Variants in SLC22A8 observed in about 807,000 individuals in gnomAD.
SLC22A8 encodes the protein solute carrier family 22 member 8.
A neutral mutation model predicts 48.4 loss-of-function variants in SLC22A8; 40 were observed. The ratio of observed to expected loss-of-function variants is 0.83; its 90% CI spans 0.64 to 1.08. SLC22A8 has a LOEUF of 1.08. SLC22A8 is among the 50% of genes least tolerant of loss of function. The pLI is 0.00. For synonymous variants in SLC22A8, 268 were observed against 286.3 expected (o/e 0.94, Z 0.65); for missense variants, 606 against 699.0 (o/e 0.87, Z 1.50).
rs4149185 is a variant in SLC22A8 at position 62,994,329 on chromosome 11, CTT to C, written c.1216+211_1216+212del. The C allele has an allele frequency of 6.2e-3, 3,665 of 590,788 alleles. 85 individuals carry two copies. The highest frequency in any genetic ancestry group is 0.049 in the African/African-American group (2,633 of 53,810). The allele number at this position is 590,788 out of a possible 1,614,324, so 36.6% of individuals were successfully genotyped here. ...TTCACACTATCCAGATACCACCATA[CTT>C]TTTGCCCAGTCCAAGTCAGATCTGG... On this transcript the variant is annotated intron_variant, in intron 8 of 10. Coordinates refer to ENST00000336232, the MANE Select transcript of SLC22A8 (RefSeq NM_004254.4).
At chr11:63,006,748 T>C (rs560667387) in intron 2 of SLC22A8, among the ~76,000 whole-genome samples, 104 of 151,080 alleles carry the variant, frequency 6.9e-4, no homozygotes, top group Non-Finnish European at 1.3e-3. Flanking sequence ...GCTGGGATTA[T>C]AGGCATGCGC....
intron 8 of SLC22A8, 79 bp from the exon 9 acceptor site, chr11:62,993,957 C>T (rs2086377227): frequency 5.6e-6 from 5 of 895,422 alleles, no homozygotes; most frequent in African/African-American, 1.6e-5. Flanking sequence ...GATCTTGTCT[C>T]CCTTTTTGCT....
intron 2 of SLC22A8, among the ~76,000 whole-genome samples, chr11:63,001,475 T>G (rs544277441): frequency 4.6e-5 from 7 of 152,346 alleles, no homozygotes; most frequent in African/African-American, 1.7e-4. Context: ...TCAAGGTCAC[T>G]GAAGTTTCAT....
At chr11:63,010,364 C>T (rs1357219858) in intron 2 of SLC22A8, among the ~76,000 whole-genome samples, 1 of 152,196 alleles carries the variant, frequency 6.6e-6, no homozygotes, top group Non-Finnish European at 1.5e-5. Flanking sequence ...TCACCAAATA[C>T]CCTGCCTTCC....
At chr11:63,000,989 T>A (rs2086487627) in intron 2 of SLC22A8, 166 bp from the exon 3 acceptor site, 1 of 606,204 alleles carries the variant, frequency 1.6e-6, no homozygotes, top group Non-Finnish European at 3.0e-6. Context: ...GCTCCTTGGG[T>A]TTGTCTGTGG....
intron 2 of SLC22A8, among the ~76,000 whole-genome samples, chr11:63,004,571 C>A (rs1381469209): frequency 6.6e-6 from 1 of 152,192 alleles, no homozygotes; most frequent in Non-Finnish European, 1.5e-5. Flanking sequence ...TGAGACCTCC[C>A]TATTTACAAT....
At chr11:63,014,379 G>T (rs915626302) in intron 2 of SLC22A8, among the ~76,000 whole-genome samples, 6 of 152,174 alleles carry the variant, frequency 3.9e-5, no homozygotes, top group Non-Finnish European at 8.8e-5. Context: ...CCAGAGCTTA[G>T]CTCTGTGCCC....
chr11:63,010,965 G>A (rs1336185190), intron 2 of SLC22A8, among the ~76,000 whole-genome samples: 1 of 152,108 alleles, frequency 6.6e-6, no homozygotes, highest in Non-Finnish European at 1.5e-5. Context: ...CTCTGAGGGG[G>A]CAAGTCCTTC....
intron 2 of SLC22A8, among the ~76,000 whole-genome samples, chr11:63,008,782 C>A (rs553606169): frequency 6.6e-6 from 1 of 152,168 alleles, no homozygotes; most frequent in Admixed American, 6.5e-5. Flanking sequence ...CCCAACACCC[C>A]CCGTCTTCTG....
At chr11:63,009,041 A>G (rs980150313) in intron 2 of SLC22A8, among the ~76,000 whole-genome samples, 1 of 152,146 alleles carries the variant, frequency 6.6e-6, no homozygotes, top group African/African-American at 2.4e-5. Flanking sequence ...GGCTGTCAAT[A>G]GGGATCAGGC....
chr11:63,010,394 C>A (rs748068727), intron 2 of SLC22A8, among the ~76,000 whole-genome samples: 1 of 152,172 alleles, frequency 6.6e-6, no homozygotes, highest in Non-Finnish European at 1.5e-5. Context: ...CCCTCTTCAC[C>A]TGGAGCCAAC....
chr11:62,995,240 G>C (rs2086401223), intron 7 of SLC22A8: 1 of 239,600 alleles, frequency 4.2e-6, no homozygotes, highest in South Asian at 7.2e-5. Context: ...GCAGAAACCA[G>C]GTCACAGAAA....
chr11:63,000,112 G>T (rs2086474516), intron 3 of SLC22A8, among the ~76,000 whole-genome samples: 1 of 152,232 alleles, frequency 6.6e-6, no homozygotes. Flanking sequence ...TCTCTAAGCA[G>T]TCCATCTCCT....
chr11:62,995,784 C>G lies in SLC22A8; in HGVS notation c.921G>C (p.Leu307Phe), dbSNP rs1416508851. ...LKLNLQKEIS[L>F]AKAKYTASDL... ...CACTTGCGGTGTACTTGGCCTTGGC[C>G]AAGGAGATCTCCTTCTGCAGGTTGA... Residue 307 changes from leucine (L) to phenylalanine (F), a missense_variant, in exon 7 of 11, where the codon TTG becomes TTC. Leu to Phe is a conservative substitution (Grantham distance 22, BLOSUM62 0). Transcript: ENST00000336232. 13 of 1,613,932 alleles carry G rather than the reference C, an allele frequency of 8.1e-6. No homozygotes were observed. Among genetic ancestry groups the G allele is most frequent in the African/African-American group, 1.3e-5 (1 of 74,876 alleles).
At chr11:63,008,517 G>T (rs1477943271) in intron 2 of SLC22A8, among the ~76,000 whole-genome samples, 2 of 152,118 alleles carry the variant, frequency 1.3e-5, no homozygotes, top group East Asian at 3.9e-4. Context: ...GTGTTCTGGG[G>T]CCAATTACTT....
chr11:63,003,774 C>T (rs1447830361), intron 2 of SLC22A8, among the ~76,000 whole-genome samples: 1 of 152,154 alleles, frequency 6.6e-6, no homozygotes, highest in Non-Finnish European at 1.5e-5. Flanking sequence ...GACTTGCATG[C>T]TTTCTTCCCC....
chr11:63,008,500 G>T (rs1256550466), intron 2 of SLC22A8, among the ~76,000 whole-genome samples: 1 of 152,126 alleles, frequency 6.6e-6, no homozygotes, highest in African/African-American at 2.4e-5. Context: ...TGCCACTTAG[G>T]AGCTATGTGT....
chr11:62,998,982 G>A lies in SLC22A8; in HGVS notation c.700C>T (p.Gln234Ter). The A allele has an allele frequency of 1.2e-6, 2 of 1,613,788 alleles. No homozygotes were observed. The change falls in exon 5 of 11, where the codon CAG (glutamine) becomes TAG (stop). Residue 234 changes from glutamine (Q) to a stop codon, truncating the protein, a stop_gained. Transcript: ENST00000336232. LOFTEE classifies it high-confidence loss of function. The stretch of plus-strand genomic sequence containing the variant: ...ACAGTTAACTGCAGCCAACGCCACT[G>A]GGGGATGGCGTAGGCCAGGCCGGGC... ...ILPGLAYAIP[Q>*]WRWLQLTVSI... is the part of the protein sequence containing the mutation.
chr11:62,998,852 C>A, intron 5 of SLC22A8, 69 bp downstream of exon 5: 1 of 1,416,654 alleles, frequency 7.1e-7, no homozygotes, highest in Non-Finnish European at 9.7e-7. Context: ...CCAGCCTGGG[C>A]AGGTATGGGC....
Sources: gnomAD v4.1 joint callset for allele counts (sites outside exome capture counted in the v4.1 genomes callset) on GRCh38, gnomAD v4.1.1 for gene constraint, MANE v1.5 for transcripts, NCBI Gene and HGNC (gene_info 2026-07-23, HGNC 2026-07-21) for gene names.